The following MALRD1 variants were observed in gnomAD, a reference collection of about 807,000 sequenced individuals.
MALRD1 encodes the protein MAM and LDL receptor class A domain containing 1, also known as MAM and LDL-receptor class A domain-containing protein 1.
MALRD1 carries 247 observed loss-of-function variants against 242.1 expected under a neutral mutation model. That is an observed-to-expected ratio of 1.02 (90% confidence interval 0.92 to 1.13). MALRD1 has a LOEUF of 1.13. Among genes scored for constraint, MALRD1 ranks in the 50% most tolerant of loss-of-function variants. MALRD1 has a pLI of 0.00. For synonymous variants in MALRD1, 995 were observed against 866.6 expected, an observed-to-expected ratio of 1.15 and a Z score of -2.60; for missense variants, 2,989 against 2,533.1, an observed-to-expected ratio of 1.18 and a Z score of -3.86.
chr10:19,125,321 CCTT>C (rs1564407937), intron 7 of MALRD1, among the ~76,000 whole-genome samples: 11 of 77,308 alleles, frequency 1.4e-4, no homozygotes, highest in African/African-American at 5.6e-4. Flanking sequence ...TTCCTTCCTT[CCTT>C]CTTTCTTTCT....
Position 19,548,488 on chromosome 10 carries a change from T to A in MALRD1, c.5478+17137T>A, listed in dbSNP as rs578102774. Among the ~76,000 whole-genome samples, 21 of 152,254 alleles carry A rather than the reference T, an allele frequency of 1.4e-4. No individual in the cohort carries two copies. The South Asian group carries it at 3.7e-3, about 27-fold the overall frequency. ...TACCCATCACCCAAGTAAAAGTAGATCTTTGGCAAGATGTGACTGGCCTGA... is the reference window on the plus strand; with the variant it reads ...TACCCATCACCCAAGTAAAAGTAGAACTTTGGCAAGATGTGACTGGCCTGA... On this transcript the variant is annotated intron_variant, in intron 32 of 39. Coordinates refer to ENST00000454679, the MANE Select transcript of MALRD1 (RefSeq NM_001142308.3).
At chr10:19,291,963 G>T (rs533176687) in intron 21 of MALRD1, among the ~76,000 whole-genome samples, 2 of 150,824 alleles carry the variant, frequency 1.3e-5, no homozygotes, top group Non-Finnish European at 2.9e-5. Context: ...GTGCGTGCCT[G>T]TAATCCCAGT....
intron 28 of MALRD1, among the ~76,000 whole-genome samples, chr10:19,434,192 T>C (rs1834258552): frequency 6.6e-6 from 1 of 152,202 alleles, no homozygotes; most frequent in Admixed American, 6.5e-5. Context: ...TAAAGAACAC[T>C]ATTCTAGCAA....
chr10:19,191,653 T>C (rs1017308273), intron 14 of MALRD1, among the ~76,000 whole-genome samples: 1 of 152,122 alleles, frequency 6.6e-6, no homozygotes, highest in Admixed American at 6.6e-5. Context: ...TGGAATGTTA[T>C]TTAGTCATAA....
chr10:19,306,004 T>G (rs1365446067), intron 21 of MALRD1, among the ~76,000 whole-genome samples: 6 of 120,242 alleles, frequency 5.0e-5, no homozygotes, highest in East Asian at 2.2e-4. Context: ...ATATTATATA[T>G]TATACTATAT....
chr10:19,176,366 C>CCTTTTTTTTTTTT (rs1484132630), intron 14 of MALRD1, among the ~76,000 whole-genome samples: 1 of 87,296 alleles, frequency 1.1e-5, no homozygotes, highest in African/African-American at 4.3e-5. Context: ...TTTCTGGGTG[C>CCTTTTTTTTTTTT]TTTTTTTTTT....
At chr10:19,306,155 TAC>T (rs1166491154) in intron 21 of MALRD1, among the ~76,000 whole-genome samples, 2 of 117,404 alleles carry the variant, frequency 1.7e-5, no homozygotes, top group East Asian at 5.1e-4. Context: ...ATACTATATA[TAC>T]ACACATACTA....
rs531903780 is a variant in MALRD1, at chr10:19,697,892, T to C, written c.6314+5338T>C. ...TCTTCTGTCTCCCTGTTTTTAAAAG[T>C]ATTTTCTTCCAGTAACTTATTTAGA... On this transcript the variant is annotated intron_variant, in intron 38 of 39. Transcript: ENST00000454679. Among the ~76,000 whole-genome samples the C allele has an allele frequency of 3.3e-5, 5 of 152,314 alleles. No homozygotes were observed. In the South Asian group the frequency reaches 8.3e-4, roughly 25 times the overall value.
At chr10:19,177,867 A>G (rs1835328946) in intron 14 of MALRD1, among the ~76,000 whole-genome samples, 1 of 152,090 alleles carries the variant, frequency 6.6e-6, no homozygotes, top group Admixed American at 6.6e-5. Context: ...TGGGAACAGG[A>G]AAGGACCCCT....
chr10:19,322,420 T>C (rs1359606924), intron 21 of MALRD1, among the ~76,000 whole-genome samples: 5 of 152,180 alleles, frequency 3.3e-5, no homozygotes, highest in African/African-American at 1.2e-4. Context: ...ATGAATGATA[T>C]ATATATAACC....
intron 21 of MALRD1, among the ~76,000 whole-genome samples, chr10:19,305,887 T>C (rs1463193133): frequency 3.1e-5 from 4 of 130,588 alleles, no homozygotes; most frequent in African/African-American, 8.8e-5. Flanking sequence ...ATATATATAA[T>C]ATATATTATA....
chr10:19,148,788 A>AAATATATATATATATATATATATAT (rs1206724666), intron 11 of MALRD1, among the ~76,000 whole-genome samples: 1 of 88,012 alleles, frequency 1.1e-5, no homozygotes, highest in African/African-American at 4.1e-5. Context: ...AAAAAAAAAA[A>AAATATATATATATATATATATATAT]ATATATATAT....
intron 29 of MALRD1, among the ~76,000 whole-genome samples, chr10:19,479,950 C>A (rs1204563715): frequency 6.6e-6 from 1 of 152,152 alleles, no homozygotes; most frequent in African/African-American, 2.4e-5. Flanking sequence ...TGGGTTAGAA[C>A]TCAGCCTCAT....
At chr10:19,064,854 A>G (rs980618617) in intron 1 of MALRD1, among the ~76,000 whole-genome samples, 4 of 151,678 alleles carry the variant, frequency 2.6e-5, no homozygotes, top group Non-Finnish European at 5.9e-5. Flanking sequence ...TAGCTGCTTC[A>G]TGCGGAGCAG....
intron 5 of MALRD1, among the ~76,000 whole-genome samples, chr10:19,117,686 A>G (rs950386236): frequency 6.6e-6 from 1 of 152,216 alleles, no homozygotes. Context: ...TGCATCTTAC[A>G]TTCAAGAGGA....
chr10:19,112,807 A>T (rs1836725828), intron 5 of MALRD1, among the ~76,000 whole-genome samples: 1 of 152,234 alleles, frequency 6.6e-6, no homozygotes, highest in Non-Finnish European at 1.5e-5. Flanking sequence ...TATATTTGCT[A>T]CAGAAACTGA....
rs1202923641 is a variant in MALRD1, at chr10:19,406,407, T to C, written c.4845+16798T>C. Among the ~76,000 whole-genome samples, 5 of 152,290 alleles carry C rather than the reference T, an allele frequency of 3.3e-5. No individual in the cohort carries two copies. The East Asian group carries it at 9.7e-4, about 29-fold the overall frequency. The stretch of plus-strand genomic sequence containing the variant: ...CCTTTCACTTAATGCCAGAATTCGT[T>C]CTATGTGTTTATTCTCACACATTGT... On this transcript the variant is annotated intron_variant, in intron 28 of 39. Transcript: ENST00000454679.
In MALRD1 at chr10:19,086,058, C is replaced by T. The variant is rs16918235; in HGVS notation, c.341-1782C>T. On this transcript the variant is annotated intron_variant, in intron 2 of 39. Transcript: ENST00000454679. ...AGTCCACTTGCATCACCATGATACC[C>T]GCTCTTCATCTAAATTGTGTTTACA... Among the ~76,000 whole-genome samples the T allele has an allele frequency of 8.7e-3, 1,320 of 152,064 alleles. 14 individuals carry two copies. The highest frequency in any genetic ancestry group is 0.03 in the African/African-American group (1,238 of 41,516).
intron 18 of MALRD1, among the ~76,000 whole-genome samples, chr10:19,214,216 C>T (rs1205569991): frequency 6.6e-6 from 1 of 152,188 alleles, no homozygotes; most frequent in Non-Finnish European, 1.5e-5. Flanking sequence ...TCAGCTCTTT[C>T]CCCTCAGCTC....
Sources: allele counts gnomAD v4.1 joint callset (sites outside exome capture counted in the v4.1 genomes callset), GRCh38; gene constraint gnomAD v4.1.1; transcripts MANE v1.5; gene names NCBI Gene and HGNC (gene_info 2026-07-23, HGNC 2026-07-21).